Variants in WDR11 observed in about 807,000 individuals in gnomAD.
WDR11 encodes the protein WD repeat-containing protein 11.
In WDR11, 83 loss-of-function variants were observed where a neutral mutation model predicts 151.2. The observed-to-expected ratio is 0.55, with a 90% CI of 0.46 to 0.66. WDR11 has a LOEUF of 0.66. WDR11 is among the 30% of genes least tolerant of loss of function. The pLI is 0.00. For missense variants in WDR11, 1,301 were observed against 1,480.9 expected (o/e 0.88, Z 1.99); for synonymous variants, 484 against 533.1 (o/e 0.91, Z 1.27).
chr10:120,906,205 C>T lies in WDR11; in HGVS notation c.3437+184C>T, dbSNP rs1406801428. The T allele has an allele frequency of 9.4e-6, 14 of 1,482,600 alleles. No homozygotes were observed. The African/African-American group carries it at 2.0e-4, about 21-fold the overall frequency. 91.8% of individuals were successfully genotyped at this position (1,482,600 alleles called of 1,614,324 possible). On this transcript the variant is annotated intron_variant, in intron 27 of 28. Coordinates refer to ENST00000263461, the MANE Select transcript of WDR11 (RefSeq NM_018117.12). Reference sequence around the variant, plus strand: ...CGTATTCATTACATCTTCATTCGGTCTAGGAGCTATGCTAGTTTCCTACTA... The same window carrying T: ...CGTATTCATTACATCTTCATTCGGTTTAGGAGCTATGCTAGTTTCCTACTA...
intron 22 of WDR11, 65 bp downstream of exon 22, chr10:120,902,387 GT>G: frequency 2.1e-6 from 3 of 1,435,008 alleles, no homozygotes; most frequent in African/African-American, 1.4e-5. Flanking sequence ...TCTTTTAAGG[GT>G]TTTTAGTTAG....
Position 120,871,363 on chromosome 10 carries a change from G to GT in WDR11, c.1471+18dup. On this transcript the variant is annotated intron_variant, in intron 10 of 28. Transcript: ENST00000263461. ...TGGCTGTTGGTGAGTATTTGACCTG[G>GT]TCTTTTTTTTTTTAACTCACTTTAT... The GT allele has an allele frequency of 1.2e-6, 2 of 1,609,664 alleles. No individual in the cohort carries two copies. The highest frequency in any genetic ancestry group is 2.2e-5 in the South Asian group (2 of 90,136).
In WDR11 at chr10:120,905,323, C is replaced by T. The variant is rs759330920; in HGVS notation, c.3198C>T (p.Gly1066=). 34 of 1,613,852 alleles carry T rather than the reference C, an allele frequency of 2.1e-5. 1 individual carries two copies. Among genetic ancestry groups the T allele is most frequent in the Admixed American group, 1.7e-4 (10 of 59,994 alleles). ...NMIANGKLAE[G]VQLLCLIDKA... ...GGATGCGCTTTTGTCTTTCAGAGGG[C>T]GTTCAGTTGCTCTGCCTGATAGATA... The change falls in exon 26 of 29, where the codon GGC becomes GGT. Residue 1066 remains glycine, a synonymous_variant. Coordinates refer to ENST00000263461, the MANE Select transcript of WDR11 (RefSeq NM_018117.12).
intron 19 of WDR11, among the ~76,000 whole-genome samples, chr10:120,895,248 T>C (rs980720017): frequency 6.6e-5 from 10 of 152,204 alleles, no homozygotes; most frequent in Admixed American, 1.3e-4. Context: ...TACTGTGATA[T>C]AATACCAACA....
At chr10:120,874,669 T>C (rs1476273239) in intron 11 of WDR11, among the ~76,000 whole-genome samples, 2 of 151,974 alleles carry the variant, frequency 1.3e-5, no homozygotes, top group Non-Finnish European at 2.9e-5. Context: ...GTTTGGTTTT[T>C]CTGTTCCTGT....
At chr10:120,877,500 G>A (rs182027219) in intron 11 of WDR11, among the ~76,000 whole-genome samples, 24 of 152,168 alleles carry the variant, frequency 1.6e-4, no homozygotes, top group African/African-American at 5.3e-4. Context: ...ACACCTGTAG[G>A]CTCAGCCATT....
intron 26 of WDR11, 45 bp from the exon 27 acceptor site, chr10:120,905,831 T>A: frequency 6.2e-7 from 1 of 1,614,116 alleles, no homozygotes; most frequent in Non-Finnish European, 8.5e-7. Flanking sequence ...TTTTTCTTTA[T>A]AGAGTGCAGG....
intron 28 of WDR11, 62 bp from the exon 29 acceptor site, chr10:120,908,494 G>A: frequency 6.4e-7 from 1 of 1,571,908 alleles, no homozygotes; most frequent in Non-Finnish European, 8.7e-7. Flanking sequence ...CCTGCTTCTG[G>A]GAGCCTGTGA....
intron 17 of WDR11, 91 bp downstream of exon 17, chr10:120,889,275 T>C (rs1048189078): frequency 9.8e-7 from 1 of 1,019,696 alleles, no homozygotes; most frequent in Admixed American, 1.8e-5. Flanking sequence ...TCTTGCTCTG[T>C]CGCCCAGGCT....
At position 120,857,494 on chromosome 10, in the gene WDR11, TTAAACA is replaced by T. The variant is rs796329409; in HGVS notation, c.199-1146_199-1141del. On this transcript the variant is annotated intron_variant, in intron 2 of 28. Coordinates refer to ENST00000263461, the MANE Select transcript of WDR11 (RefSeq NM_018117.12). The stretch of plus-strand genomic sequence containing the variant: ...TCATACACATTCTATACCTATGAAC[TTAAACA>T]TATACACATACAAATATGCATACAC... Among the ~76,000 whole-genome samples, 13 of 152,120 alleles carry T rather than the reference TTAAACA, an allele frequency of 8.5e-5. No individual in the cohort carries two copies. The South Asian group carries it at 2.7e-3, about 32-fold the overall frequency.
At position 120,858,676 on chromosome 10, in the gene WDR11, A is replaced by C. The variant is rs1373813856; in HGVS notation, c.232A>C (p.Ile78Leu). 1.2e-6 allele frequency: 2 copies of C among 1,614,136 alleles called. No homozygotes were observed. Among genetic ancestry groups the C allele is most frequent in the Non-Finnish European group, 1.7e-6 (2 of 1,180,058 alleles). ...KWARENYHHN[I>L]GSPYCLRLAS... Reference sequence around the variant, plus strand: ...GGCCAGGGAAAACTATCACCATAACATTGGCTCACCATATTGCTTACGGTT... The same window carrying C: ...GGCCAGGGAAAACTATCACCATAACCTTGGCTCACCATATTGCTTACGGTT... Residue 78 changes from isoleucine (I) to leucine (L), a missense_variant, in exon 3 of 29, where the codon ATT becomes CTT. Coordinates refer to ENST00000263461, the MANE Select transcript of WDR11 (RefSeq NM_018117.12).
rs10546756 is a variant in WDR11, at chr10:120,871,455, TAG to T, written c.1471+113_1471+114del. The T allele has an allele frequency of 0.013, 15,467 of 1,188,122 alleles. 1,467 individuals are homozygous for T. The African/African-American group carries it at 0.21, about 16-fold the overall frequency. The allele number at this position is 1,188,122 out of a possible 1,614,324, so 73.6% of individuals were successfully genotyped here. A position where few individuals can be genotyped will look rare whatever the true frequency, so the allele number is the denominator to read the frequency against. On this transcript the variant is annotated intron_variant, in intron 10 of 28. Coordinates refer to ENST00000263461, the MANE Select transcript of WDR11 (RefSeq NM_018117.12). ...TTTTTGAGGATGCTTTAAAAGGAGATAGAGACTAAGTGAAACTGTAAATACTC... is the reference window on the plus strand; with the variant it reads ...TTTTTGAGGATGCTTTAAAAGGAGATAGACTAAGTGAAACTGTAAATACTC...
rs576862130 is a variant in WDR11, at chr10:120,874,620, T to C, written c.1556+697T>C. Among the ~76,000 whole-genome samples, 3 of 152,102 alleles carry C rather than the reference T, an allele frequency of 2.0e-5. No individual in the cohort carries two copies. The South Asian group carries it at 6.2e-4, about 32-fold the overall frequency. On this transcript the variant is annotated intron_variant, in intron 11 of 28. Coordinates refer to ENST00000263461, the MANE Select transcript of WDR11 (RefSeq NM_018117.12). The stretch of plus-strand genomic sequence containing the variant: ...TTCCCCTCCCTGTGTCCATGTGTTC[T>C]CATTGTTCAACTCCCACTTATGAGT...
At chr10:120,906,752 C>T in intron 27 of WDR11, 24 bp from the exon 28 acceptor site, 1 of 1,614,062 alleles carries the variant, frequency 6.2e-7, no homozygotes, top group Non-Finnish European at 8.5e-7. Flanking sequence ...CAAAGCATAA[C>T]TCTTGTTTTG....
chr10:120,882,548 T>TGTTTTG (rs1554856564), intron 13 of WDR11, among the ~76,000 whole-genome samples: 10 of 150,216 alleles, frequency 6.7e-5, no homozygotes, highest in Admixed American at 4.7e-4. Flanking sequence ...AGTTTTGTTT[T>TGTTTTG]TTTTTTTCAT....
At chr10:120,864,900 T>G in intron 5 of WDR11, 147 bp from the exon 6 acceptor site, 1 of 827,772 alleles carries the variant, frequency 1.2e-6, no homozygotes, top group Non-Finnish European at 1.9e-6. Context: ...GAGATCTAAG[T>G]TTTGGATGCC....
intron 19 of WDR11, among the ~76,000 whole-genome samples, chr10:120,891,382 C>G (rs982730497): frequency 6.6e-6 from 1 of 151,934 alleles, no homozygotes; most frequent in African/African-American, 2.4e-5. Flanking sequence ...CAGTATCTTG[C>G]TCTGTTTTGT....
At chr10:120,853,412 C>T (rs1466721867) in intron 2 of WDR11, among the ~76,000 whole-genome samples, 1 of 151,982 alleles carries the variant, frequency 6.6e-6, no homozygotes, top group Non-Finnish European at 1.5e-5. Context: ...ACTACAGGCA[C>T]CCACCACCAT....
intron 19 of WDR11, among the ~76,000 whole-genome samples, chr10:120,895,713 G>A (rs936902145): frequency 2.6e-5 from 4 of 151,932 alleles, no homozygotes; most frequent in African/African-American, 7.3e-5. Context: ...AAAAATATTT[G>A]ACCTCCTACT....
Sources: allele counts gnomAD v4.1 joint callset (sites outside exome capture counted in the v4.1 genomes callset), GRCh38; gene constraint gnomAD v4.1.1; transcripts MANE v1.5; gene names NCBI Gene and HGNC (gene_info 2026-07-23, HGNC 2026-07-21).